The following SDK1 variants were observed in gnomAD, a reference collection of about 807,000 sequenced individuals.
The protein encoded by SDK1 is sidekick cell adhesion molecule 1.
A neutral mutation model predicts 245.5 loss-of-function variants in SDK1; 157 were observed. That is an observed-to-expected ratio of 0.64 (90% CI 0.56 to 0.73). The LOEUF (loss-of-function observed/expected upper bound fraction) is 0.73. Ranked by LOEUF, SDK1 falls within the 30% of genes least tolerant of loss-of-function variation. The pLI, the probability that SDK1 is intolerant of heterozygous loss-of-function variation, is 0.00. For missense variants in SDK1, 3,583 were observed against 3,002.3 expected (o/e 1.19, Z -4.52); for synonymous variants, 1,647 against 1,278.5 (o/e 1.29, Z -6.15).
intron 1 of SDK1, among the ~76,000 whole-genome samples, chr7:3,382,672 C>G (rs1002472155): frequency 6.6e-6 from 1 of 151,990 alleles, no homozygotes; most frequent in African/African-American, 2.4e-5. Flanking sequence ...GTTTGATTAG[C>G]GATGTTGCTT....
chr7:4,040,010 G>T (rs1421031413), intron 17 of SDK1, among the ~76,000 whole-genome samples: 1 of 152,178 alleles, frequency 6.6e-6, no homozygotes, highest in Non-Finnish European at 1.5e-5. Flanking sequence ...ACCAAACTGG[G>T]TTTGTCTGTC....
intron 5 of SDK1, among the ~76,000 whole-genome samples, chr7:3,950,260 C>G (rs1310307644): frequency 6.6e-6 from 1 of 152,188 alleles, no homozygotes; most frequent in African/African-American, 2.4e-5. Flanking sequence ...GACAGTGACC[C>G]TGCCCCAGGG....
rs199610599 is a variant in SDK1 at position 4,051,745 on chromosome 7, C to A, written c.2826C>A (p.Thr942=). 2 of 1,613,936 alleles carry A rather than the reference C, an allele frequency of 1.2e-6. No individual in the cohort carries two copies. The highest frequency in any genetic ancestry group is 1.7e-5 in the Admixed American group (1 of 59,984). ...ACATAACGAACCTGAAGAAGTTTAC[C>A]GCCTACTTCACTTCCGTTCTGTGCT... ...HGHITNLKKF[T]AYFTSVLCFT... The change falls in exon 19 of 45, where the codon ACC becomes ACA. Residue 942 remains threonine (T), a synonymous_variant. Coordinates refer to ENST00000404826, the MANE Select transcript of SDK1 (RefSeq NM_152744.4).
intron 5 of SDK1, among the ~76,000 whole-genome samples, chr7:3,871,736 T>C (rs1329652592): frequency 6.6e-6 from 1 of 152,144 alleles, no homozygotes; most frequent in African/African-American, 2.4e-5. Flanking sequence ...ACCAACCCTT[T>C]CGTGAGGGAT....
chr7:3,636,082 G>T (rs1251989675), intron 2 of SDK1, among the ~76,000 whole-genome samples: 1 of 152,134 alleles, frequency 6.6e-6, no homozygotes, highest in African/African-American at 2.4e-5. Flanking sequence ...AGAAAAAGCT[G>T]TACATATCTA....
intron 4 of SDK1, among the ~76,000 whole-genome samples, chr7:3,802,587 C>G (rs1779135045): frequency 6.6e-6 from 1 of 152,032 alleles, no homozygotes; most frequent in South Asian, 2.1e-4. Context: ...CATCCATCCC[C>G]CTTGTGCTGC....
intron 44 of SDK1, among the ~76,000 whole-genome samples, chr7:4,260,796 A>G (rs1787951634): frequency 1.6e-5 from 2 of 122,326 alleles, no homozygotes. Flanking sequence ...AGATGTGTTC[A>G]TCGTCACCTG....
chr7:3,992,556 C>T (rs1420353984), intron 14 of SDK1, among the ~76,000 whole-genome samples: 1 of 152,166 alleles, frequency 6.6e-6, no homozygotes, highest in Non-Finnish European at 1.5e-5. Context: ...AGTGGGGACC[C>T]TGTGACCAGG....
chr7:4,258,250 C>T (rs766833124), intron 44 of SDK1, among the ~76,000 whole-genome samples: 4 of 152,180 alleles, frequency 2.6e-5, no homozygotes, highest in Non-Finnish European at 5.9e-5. Flanking sequence ...GAAATGTGGA[C>T]TCCAGTGAGA....
chr7:4,189,976 T>G (rs1783098189), intron 35 of SDK1, among the ~76,000 whole-genome samples: 1 of 152,062 alleles, frequency 6.6e-6, no homozygotes, highest in Admixed American at 6.6e-5. Context: ...TTAATTACAG[T>G]TGGTTGGAAT....
At chr7:3,659,553 T>G (rs1342850630) in intron 4 of SDK1, among the ~76,000 whole-genome samples, 1 of 152,154 alleles carries the variant, frequency 6.6e-6, no homozygotes, top group Non-Finnish European at 1.5e-5. Context: ...TGTGGTACAT[T>G]CTCCGAGGAG....
rs1314926571 is a variant in SDK1 at position 3,301,455 on chromosome 7, G to T, written c.-132G>T. 5.4e-6 allele frequency: 1 copy of T among 183,508 alleles called. No individual in the cohort carries two copies. The highest frequency in any genetic ancestry group is 2.4e-5 in the African/African-American group (1 of 41,150). The allele number at this position is 183,508 out of a possible 1,614,324, so 11.4% of individuals were successfully genotyped here. On this transcript the variant is annotated 5_prime_UTR_variant, in exon 1 of 45. Transcript: ENST00000404826. ...GGGACCCAGGACGCCGCCCCTCAGC[G>T]CTGGGCGGCCGCTCACCTCGGGCCG...
At chr7:4,140,933 C>T (rs1310010938) in intron 28 of SDK1, among the ~76,000 whole-genome samples, 1 of 152,164 alleles carries the variant, frequency 6.6e-6, no homozygotes, top group African/African-American at 2.4e-5. Context: ...GAGACCCCAT[C>T]TCTATTTTAA....
At chr7:3,657,240 C>T (rs572412231) in intron 4 of SDK1, among the ~76,000 whole-genome samples, 1 of 152,256 alleles carries the variant, frequency 6.6e-6, no homozygotes, top group Admixed American at 6.5e-5. Flanking sequence ...CTGGAAAGAT[C>T]AAGGCAGTCG....
chr7:3,329,246 C>T (rs909167171), intron 1 of SDK1, among the ~76,000 whole-genome samples: 4 of 152,132 alleles, frequency 2.6e-5, no homozygotes, highest in South Asian at 2.1e-4. Context: ...TTCTAAACCA[C>T]GTCCATGAGG....
chr7:3,314,081 T>A (rs73288335), intron 1 of SDK1, among the ~76,000 whole-genome samples: 7 of 152,154 alleles, frequency 4.6e-5, no homozygotes, highest in Non-Finnish European at 8.8e-5. Flanking sequence ...AGCGCCAATG[T>A]GCAGATGACC....
At chr7:3,816,628 C>T (rs1044133952) in intron 4 of SDK1, among the ~76,000 whole-genome samples, 2 of 151,828 alleles carry the variant, frequency 1.3e-5, no homozygotes. Flanking sequence ...AAAAAGAGTC[C>T]AGGACCAGAT....
chr7:3,432,429 A>G (rs1294097584), intron 1 of SDK1, among the ~76,000 whole-genome samples: 2 of 152,128 alleles, frequency 1.3e-5, no homozygotes, highest in Non-Finnish European at 2.9e-5. Flanking sequence ...TTATTCCTAG[A>G]TGTGAATTCT....
chr7:4,051,618 T>C lies in SDK1; in HGVS notation c.2719-20T>C. 6.2e-7 allele frequency: 1 copy of C among 1,600,438 alleles called. No homozygotes were observed. The highest frequency in any genetic ancestry group is 1.7e-4 in the Middle Eastern group (1 of 5,954). On this transcript the variant is annotated intron_variant, in intron 18 of 44. Coordinates refer to ENST00000404826, the MANE Select transcript of SDK1 (RefSeq NM_152744.4). ...ATGCCATTGAAAACAGGCTGTCTTT[T>C]TCACCCTGTTCCATCTCAGCTTCTG...
Sources: gnomAD v4.1 joint callset for allele counts (sites outside exome capture counted in the v4.1 genomes callset) on GRCh38, gnomAD v4.1.1 for gene constraint, MANE v1.5 for transcripts, NCBI Gene and HGNC (gene_info 2026-07-23, HGNC 2026-07-21) for gene names.